Variants in ABCA4 observed in about 807,000 individuals in gnomAD.
ABCA4 encodes retinal-specific phospholipid-transporting ATPase ABCA4.
In ABCA4, 196 loss-of-function variants were observed where a neutral mutation model predicts 263.7. That is an observed-to-expected ratio of 0.74 (90% CI 0.66 to 0.84). The LOEUF is 0.84. Among genes scored for constraint, ABCA4 ranks in the 40% least tolerant of loss-of-function variants. The probability of loss-of-function intolerance (pLI) is 0.00; values close to 1 mark genes in which losing one functional copy is unlikely to be tolerated. For missense variants in ABCA4, 2,792 were observed against 2,855.1 expected (o/e 0.98, Z 0.50); for synonymous variants, 1,133 against 1,094.2 (o/e 1.04, Z -0.70).
At chr1:94,052,450 G>A (rs1032369006) in intron 16 of ABCA4, among the ~76,000 whole-genome samples, 2 of 152,024 alleles carry the variant, frequency 1.3e-5, no homozygotes, top group Non-Finnish European at 2.9e-5. Flanking sequence ...TCTATTCCTC[G>A]GGGCAGGTCT....
intron 5 of ABCA4, among the ~76,000 whole-genome samples, chr1:94,099,383 G>A (rs1046373482): frequency 6.6e-6 from 1 of 152,224 alleles, no homozygotes; most frequent in Admixed American, 6.5e-5. Context: ...ATGCAGTCCT[G>A]CTGATGCCCT....
chr1:94,056,901 C>T lies in ABCA4; in HGVS notation c.2161-79G>A, dbSNP rs142256903. On this transcript the variant is annotated intron_variant, in intron 14 of 49. Transcript: ENST00000370225. ...TCATTCTGCCCTAAAGGGCTCTCTC[C>T]CACCAGCCTGCAGTTAGTGTCTAAA... is the stretch of plus-strand genomic sequence containing the variant. 2.7e-5 allele frequency: 32 copies of T among 1,167,504 alleles called. No homozygotes were observed. In the East Asian group the frequency reaches 7.7e-4, roughly 28 times the overall value. The allele number at this position is 1,167,504 out of a possible 1,614,324, so 72.3% of individuals were successfully genotyped here.
At chr1:94,061,429 A>C (rs1216019970) in intron 13 of ABCA4, 1 of 154,622 alleles carries the variant, frequency 6.5e-6, no homozygotes, top group Non-Finnish European at 1.4e-5. Context: ...TTTCTTGTGA[A>C]CTTTACACGT....
In ABCA4 at chr1:94,081,226, A is replaced by AAAC. The variant is rs371923043; in HGVS notation, c.859-511_859-509dup. On this transcript the variant is annotated intron_variant, in intron 7 of 49. Transcript: ENST00000370225. The stretch of plus-strand genomic sequence containing the variant: ...GGCGACTGAGCAATACTCCGTCTCA[A>AAAC]AACAACAACAACAACAACAACAAAT... 2.4e-3 allele frequency among the ~76,000 whole-genome samples: 367 copies of AAAC among 152,060 alleles called. 1 individual carries two copies. The highest frequency in any genetic ancestry group is 7.9e-3 in the African/African-American group (329 of 41,470).
intron 1 of ABCA4, 58 bp downstream of exon 1, chr1:94,120,922 T>G: frequency 2.5e-6 from 1 of 403,798 alleles, no homozygotes; most frequent in Non-Finnish European, 4.3e-6. Flanking sequence ...CACCCCACAC[T>G]TCCAACCTGT....
chr1:94,096,504 C>T (rs1195849026), intron 6 of ABCA4, among the ~76,000 whole-genome samples: 4 of 152,192 alleles, frequency 2.6e-5, no homozygotes, highest in Admixed American at 6.5e-5. Flanking sequence ...CATACAGAAA[C>T]CGAGAAAGCA....
intron 20 of ABCA4, 97 bp from the exon 21 acceptor site, chr1:94,043,572 G>A: frequency 2.0e-6 from 3 of 1,510,322 alleles, no homozygotes; most frequent in Non-Finnish European, 2.7e-6. Flanking sequence ...TTCTTGATTT[G>A]GCAATCAAGA....
intron 15 of ABCA4, among the ~76,000 whole-genome samples, chr1:94,055,973 G>A (rs1373418736): frequency 1.3e-5 from 2 of 152,164 alleles, no homozygotes; most frequent in Non-Finnish European, 2.9e-5. Flanking sequence ...GGTGGAAATG[G>A]CCCATTTGAA....
chr1:94,037,741 G>A (rs111587188), intron 24 of ABCA4, among the ~76,000 whole-genome samples: 184 of 152,264 alleles, frequency 1.2e-3, no homozygotes, highest in Non-Finnish European at 1.8e-3. Flanking sequence ...GGAAAATACT[G>A]GTATCCACTT....
At chr1:93,996,280 T>G (rs915068047) in intron 48 of ABCA4, 85 bp from the exon 49 acceptor site, 3 of 1,045,704 alleles carry the variant, frequency 2.9e-6, no homozygotes, top group Admixed American at 3.7e-5. Flanking sequence ...GCTCTCTATT[T>G]TCCACAGTTC....
At chr1:94,091,719 G>C (rs1054580288) in intron 6 of ABCA4, among the ~76,000 whole-genome samples, 2 of 152,086 alleles carry the variant, frequency 1.3e-5, no homozygotes, top group African/African-American at 2.4e-5. Context: ...GCCAGCCGAA[G>C]TTCAAGGTCA....
intron 44 of ABCA4, 174 bp downstream of exon 44, chr1:94,005,267 A>G: frequency 5.0e-6 from 4 of 804,080 alleles, no homozygotes; most frequent in Non-Finnish European, 7.9e-6. Context: ...GTTCACTGCT[A>G]TACTCCTGGT....
At position 94,102,905 on chromosome 1, in the gene ABCA4, G is replaced by GAAT. The variant is rs938452653; in HGVS notation, c.570+107_570+109dup. The GAAT allele has an allele frequency of 1.5e-5, 22 of 1,473,608 alleles. No individual in the cohort carries two copies. In the African/African-American group the frequency reaches 2.8e-4, roughly 19 times the overall value. The allele number at this position is 1,473,608 out of a possible 1,614,324, so 91.3% of individuals were successfully genotyped here. On this transcript the variant is annotated intron_variant, in intron 5 of 49. Coordinates refer to ENST00000370225, the MANE Select transcript of ABCA4 (RefSeq NM_000350.3). ...TACAAGGCATTAAGTGATGGATTCT[G>GAAT]AATGTGAACACAAGGAAGAAAGAAG...
intron 4 of ABCA4, among the ~76,000 whole-genome samples, 169 bp from the exon 5 acceptor site, chr1:94,103,311 C>T (rs866423805): frequency 4.5e-4 from 68 of 152,286 alleles, no homozygotes; most frequent in African/African-American, 1.5e-3. Flanking sequence ...TGGGCTGCCC[C>T]CAACACATTG....
At position 94,007,301 on chromosome 1, in the gene ABCA4, G is replaced by A. The variant is rs548829301; in HGVS notation, c.6005+333C>T. ...GAGGGAGGTAATGGGAAGCAATGGT[G>A]CATTTTTATAGGAATAGGCTACAAA... On this transcript the variant is annotated intron_variant, in intron 43 of 49. Transcript: ENST00000370225. Among the ~76,000 whole-genome samples, 10 of 144,998 alleles carry A rather than the reference G, an allele frequency of 6.9e-5. No homozygotes were observed. The East Asian group carries it at 1.6e-3, about 23-fold the overall frequency.
In ABCA4 at chr1:94,015,818, T is replaced by C. The variant is rs775593910; in HGVS notation, c.5233A>G (p.Ile1745Val). The stretch of plus-strand genomic sequence containing the variant: ...GCTTTCTTCTGAAACCCGATGAAGA[T>C]GCCCACCACCAGCCCAGCACTCACG... ...YSVSAGLVVG[I>V]FIGFQKKAYT... Residue 1745 changes from isoleucine to valine, a missense_variant, in exon 37 of 50, where the codon ATC becomes GTC. Transcript: ENST00000370225. The C allele has an allele frequency of 1.9e-6, 3 of 1,613,982 alleles. No homozygotes were observed. The South Asian group carries it at 3.3e-5, about 18-fold the overall frequency.
intron 18 of ABCA4, among the ~76,000 whole-genome samples, chr1:94,048,142 T>G (rs1052277361): frequency 2.6e-5 from 4 of 152,168 alleles, no homozygotes; most frequent in Non-Finnish European, 5.9e-5. Flanking sequence ...AAATGGCCCC[T>G]GGGGTGGGCT....
chr1:94,109,593 G>A (rs1662543349), intron 3 of ABCA4, among the ~76,000 whole-genome samples: 1 of 152,206 alleles, frequency 6.6e-6, no homozygotes, highest in Admixed American at 6.5e-5. Context: ...TGGCAGCCCA[G>A]GCATTGAGGA....
At chr1:94,057,642 A>G (rs1661017229) in intron 14 of ABCA4, among the ~76,000 whole-genome samples, 1 of 152,224 alleles carries the variant, frequency 6.6e-6, no homozygotes, top group Non-Finnish European at 1.5e-5. Context: ...TGAATATCAC[A>G]CAAATATATT....
Sources: allele counts gnomAD v4.1 joint callset (sites outside exome capture counted in the v4.1 genomes callset), GRCh38; gene constraint gnomAD v4.1.1; transcripts MANE v1.5; gene names NCBI Gene and HGNC (gene_info 2026-07-23, HGNC 2026-07-21).